The following MAP3K19 variants were observed in gnomAD, a reference collection of about 807,000 sequenced individuals.
The protein encoded by MAP3K19 is mitogen-activated protein kinase kinase kinase 19.
A neutral mutation model predicts 114.4 loss-of-function variants in MAP3K19; 91 were observed. That is an observed-to-expected ratio of 0.80 (90% confidence interval 0.67 to 0.95). MAP3K19 has a LOEUF of 0.95. Ranked by LOEUF, MAP3K19 falls within the 40% of genes least tolerant of loss-of-function variation. The pLI, the probability that MAP3K19 is intolerant of heterozygous loss-of-function variation, is 0.00. For synonymous variants in MAP3K19, 518 were observed against 530.5 expected (o/e 0.98, Z 0.32); for missense variants, 1,471 against 1,573.2 (o/e 0.94, Z 1.10).
chr2:134,994,223 G>A (rs113192496), intron 8 of MAP3K19, among the ~76,000 whole-genome samples: 12 of 152,262 alleles, frequency 7.9e-5, no homozygotes, highest in African/African-American at 1.7e-4. Flanking sequence ...CTATATGGAC[G>A]AATAATAACT....
chr2:135,014,241 C>T (rs750299417), intron 5 of MAP3K19, among the ~76,000 whole-genome samples: 6 of 152,140 alleles, frequency 3.9e-5, no homozygotes, highest in Non-Finnish European at 7.4e-5. Context: ...GTAATCCCAG[C>T]TACTTAGGAG....
chr2:134,986,393 TG>T lies in MAP3K19; in HGVS notation c.2478del (p.Asn826LysfsTer56). The T allele has an allele frequency of 1.2e-6, 2 of 1,613,930 alleles. No individual in the cohort carries two copies. The highest frequency in any genetic ancestry group is 1.7e-6 in the Non-Finnish European group (2 of 1,180,018). The part of the protein sequence containing the change: ...EESTGDRDIS[N>X]NQILTTSLRD... ...CTGAGGCTTGTGGTGAGTATTTGAT[TG>T]TTAGAAATGTCTCTATCACCAGTAG... is the stretch of plus-strand genomic sequence containing the variant. On this transcript the variant is annotated frameshift_variant, in exon 10 of 13. Coordinates refer to ENST00000392915, the MANE Select transcript of MAP3K19 (RefSeq NM_025052.5). LOFTEE classifies it high-confidence loss of function.
intron 5 of MAP3K19, among the ~76,000 whole-genome samples, chr2:135,016,691 T>C (rs1472862407): frequency 2.0e-5 from 3 of 152,254 alleles, no homozygotes; most frequent in Non-Finnish European, 2.9e-5. Context: ...CAGCAATATT[T>C]TACTACTTTC....
intron 5 of MAP3K19, among the ~76,000 whole-genome samples, chr2:135,015,627 G>C (rs931469616): frequency 2.0e-5 from 3 of 152,116 alleles, no homozygotes; most frequent in Non-Finnish European, 4.4e-5. Flanking sequence ...GGGCACAGTG[G>C]CTCATGCCTG....
Position 134,981,034 on chromosome 2 carries a change from G to A in MAP3K19, c.3707C>T (p.Pro1236Leu), listed in dbSNP as rs1684614484. ...ATAGCCAGACTCATTGATGACTTCT[G>A]GGGCCATCCAATATGGAGTCCCATG... ...SMHGTPYWMA[P>L]EVINESGYGR... Residue 1236 changes from proline (P) to leucine (L), a missense_variant, in exon 12 of 13, where the codon CCA becomes CTA. Transcript: ENST00000392915. 1 of 1,614,186 alleles carries A rather than the reference G, an allele frequency of 6.2e-7. No individual in the cohort carries two copies. Among genetic ancestry groups the A allele is most frequent in the Non-Finnish European group, 8.5e-7 (1 of 1,180,040 alleles).
rs1054458367 is a variant in MAP3K19 at position 135,025,372 on chromosome 2, C to CTTTTTTTTTTTTTTTTT, written c.-94-632_-94-631insAAAAAAAAAAAAAAAAA. ...AGTGTGCCTCTCCACATGGCCTTTT[C>CTTTTTTTTTTTTTTTTT]TTTTCTTTTTTTTTTTTTTTTTTTT... On this transcript the variant is annotated intron_variant, in intron 3 of 12. Coordinates refer to ENST00000392915, the MANE Select transcript of MAP3K19 (RefSeq NM_025052.5). 2.9e-5 allele frequency among the ~76,000 whole-genome samples: 2 copies of CTTTTTTTTTTTTTTTTT among 70,138 alleles called. 1 individual carries two copies. The highest frequency in any genetic ancestry group is 1.4e-4 in the African/African-American group (2 of 14,178). The allele number at this position is 70,138 out of a possible 152,430, so 46.0% of individuals were successfully genotyped here. A position where few individuals can be genotyped will look rare whatever the true frequency, so the allele number is the denominator to read the frequency against.
Position 135,023,968 on chromosome 2 carries a change from T to C in MAP3K19, c.22+658A>G, listed in dbSNP as rs571145281. On this transcript the variant is annotated intron_variant, in intron 4 of 12. Transcript: ENST00000392915. The stretch of plus-strand genomic sequence containing the variant: ...CCTCCATGGGCCCAGTTTCTTTATG[T>C]ATCTGACCTTCTGTTTCTCTTTTCC... Among the ~76,000 whole-genome samples, 9 of 152,318 alleles carry C rather than the reference T, an allele frequency of 5.9e-5. No individual in the cohort carries two copies. In the South Asian group the frequency reaches 1.5e-3, roughly 25 times the overall value.
chr2:135,031,856 A>C (rs1441276443), intron 2 of MAP3K19, among the ~76,000 whole-genome samples: 1 of 152,234 alleles, frequency 6.6e-6, no homozygotes, highest in Non-Finnish European at 1.5e-5. Context: ...GGATAATTCC[A>C]AGATACTGTC....
At chr2:134,970,640 C>G (rs2105147520) in intron 12 of MAP3K19, among the ~76,000 whole-genome samples, 1 of 150,090 alleles carries the variant, frequency 6.7e-6, no homozygotes, top group South Asian at 2.1e-4. Context: ...CTCTGTCGCC[C>G]AGGCTGGAGT....
At position 134,998,849 on chromosome 2, in the gene MAP3K19, C is replaced by T. The variant is rs1466700792; in HGVS notation, c.463G>A (p.Val155Met). The stretch of plus-strand genomic sequence containing the variant: ...CTTGGTAGCAAAAAGCCCAAGTTCA[C>T]ATTGCAGAGCTCCCTGGAACTTTCC... ...KEESSRELCN[V>M]NLGFLLPRSC... Residue 155 changes from valine to methionine, a missense_variant, in exon 8 of 13, where the codon GTG becomes ATG. Coordinates refer to ENST00000392915, the MANE Select transcript of MAP3K19 (RefSeq NM_025052.5). 1 of 1,614,198 alleles carries T rather than the reference C, an allele frequency of 6.2e-7. No homozygotes were observed. Among genetic ancestry groups the T allele is most frequent in the African/African-American group, 1.3e-5 (1 of 75,054 alleles).
intron 12 of MAP3K19, among the ~76,000 whole-genome samples, chr2:134,971,748 T>C (rs1251187718): frequency 6.6e-6 from 1 of 152,078 alleles, no homozygotes; most frequent in Non-Finnish European, 1.5e-5. Context: ...ATTTCTGTGG[T>C]ATTAGTTGTT....
At chr2:135,028,631 T>C (rs1688309934) in intron 3 of MAP3K19, among the ~76,000 whole-genome samples, 2 of 152,034 alleles carry the variant, frequency 1.3e-5, no homozygotes, top group Non-Finnish European at 2.9e-5. Context: ...GGGAGGCATA[T>C]GAATGTAATT....
chr2:135,008,717 C>T (rs1687007937), intron 5 of MAP3K19, among the ~76,000 whole-genome samples: 1 of 151,952 alleles, frequency 6.6e-6, no homozygotes. Flanking sequence ...ATCATCATTC[C>T]TTTTCATTTA....
Position 134,987,634 on chromosome 2 carries a change from T to C in MAP3K19, c.1238A>G (p.Asn413Ser), listed in dbSNP as rs761084561. 1.5e-5 allele frequency: 25 copies of C among 1,614,170 alleles called. No homozygotes were observed. The South Asian group carries it at 2.6e-4, about 17-fold the overall frequency. ...TPSQDEEMRNNKAASKRVSLH... is the reference protein window; with the variant it reads ...TPSQDEEMRNSKAASKRVSLH... ...TGAAACTCTTTTTGAAGCAGCTTTA[T>C]TATTTCTCATCTCTTCATCCTGGCT... The change falls in exon 10 of 13, where the codon AAT (asparagine) becomes AGT (serine). Residue 413 changes from asparagine (N) to serine (S), a missense_variant. Coordinates refer to ENST00000392915, the MANE Select transcript of MAP3K19 (RefSeq NM_025052.5).
At chr2:135,006,494 T>G (rs536695402) in intron 5 of MAP3K19, among the ~76,000 whole-genome samples, 26 of 152,346 alleles carry the variant, frequency 1.7e-4, no homozygotes, top group African/African-American at 6.3e-4. Flanking sequence ...TCTCTCCTTG[T>G]TCATTTTAAT....
Position 135,033,470 on chromosome 2 carries a change from C to G in MAP3K19, c.-283-2970G>C, listed in dbSNP as rs1313989348. On this transcript the variant is annotated intron_variant, in intron 2 of 12. Transcript: ENST00000392915. ...TCGGGCAGAGGCGCCCCCCACCCCC[C>G]GGACGGGGCGGCTGGCCGGGCAGAG... 4.1e-5 allele frequency among the ~76,000 whole-genome samples: 5 copies of G among 120,746 alleles called. 1 individual carries two copies. Among genetic ancestry groups the G allele is most frequent in the Middle Eastern group, 4.4e-3 (1 of 228 alleles). 79.2% of individuals were successfully genotyped at this position (120,746 alleles called of 152,430 possible).
chr2:134,991,451 G>A (rs1685568719), intron 9 of MAP3K19, 86 bp downstream of exon 9: 5 of 1,151,380 alleles, frequency 4.3e-6, no homozygotes, highest in South Asian at 1.2e-5. Flanking sequence ...AGGGTCAAGT[G>A]TAATTGCTGA....
At chr2:134,992,724 T>C (rs7563800) in intron 8 of MAP3K19, among the ~76,000 whole-genome samples, 8,804 of 151,824 alleles carry the variant, frequency 0.058, 732 homozygotes, top group East Asian at 0.38. Flanking sequence ...GGCTGGAGTA[T>C]AGTGGCATGA....
chr2:134,976,204 C>T (rs1684225697), intron 12 of MAP3K19, among the ~76,000 whole-genome samples: 2 of 152,176 alleles, frequency 1.3e-5, no homozygotes, highest in Non-Finnish European at 2.9e-5. Flanking sequence ...CTGGTGGGGG[C>T]TGGACTCTCA....
Sources: allele counts gnomAD v4.1 joint callset (sites outside exome capture counted in the v4.1 genomes callset), GRCh38; gene constraint gnomAD v4.1.1; transcripts MANE v1.5; gene names NCBI Gene and HGNC (gene_info 2026-07-23, HGNC 2026-07-21).